Variants in CSMD1 observed in about 807,000 individuals in gnomAD.
CSMD1 encodes CUB and sushi domain-containing protein 1.
CSMD1 carries 213 observed loss-of-function variants against 417.5 expected under a neutral mutation model. The observed-to-expected ratio is 0.51, with a 90% CI of 0.46 to 0.57. The LOEUF is 0.57. CSMD1 is among the 20% of genes least tolerant of loss of function. The pLI is 0.00. For missense variants in CSMD1, 6,923 were observed against 4,529.7 expected (o/e 1.53, Z -15.17); for synonymous variants, 2,862 against 1,736.8 (o/e 1.65, Z -16.11).
intron 5 of CSMD1, among the ~76,000 whole-genome samples, chr8:3,942,043 C>A (rs897025578): frequency 2.6e-5 from 4 of 151,896 alleles, no homozygotes; most frequent in Admixed American, 6.6e-5. Context: ...GGCGCGCAAA[C>A]CCTATTGTGA....
At chr8:4,027,994 C>A (rs574259699) in intron 4 of CSMD1, among the ~76,000 whole-genome samples, 3 of 151,986 alleles carry the variant, frequency 2.0e-5, no homozygotes, top group South Asian at 2.1e-4. Flanking sequence ...TAAGTGAGAT[C>A]AATTAATTGA....
At chr8:4,819,531 T>C (rs1304732352) in intron 1 of CSMD1, among the ~76,000 whole-genome samples, 1 of 152,188 alleles carries the variant, frequency 6.6e-6, no homozygotes, top group Non-Finnish European at 1.5e-5. Context: ...TATTTTCCCT[T>C]GTGTTAGAAT....
chr8:3,623,928 G>C (rs978717544), intron 7 of CSMD1, among the ~76,000 whole-genome samples: 1 of 151,934 alleles, frequency 6.6e-6, no homozygotes, highest in African/African-American at 2.4e-5. Flanking sequence ...AGTAAGCTGA[G>C]ATTGCACCAC....
chr8:3,576,709 T>C (rs772870026), intron 9 of CSMD1, among the ~76,000 whole-genome samples: 27 of 152,182 alleles, frequency 1.8e-4, no homozygotes, highest in Non-Finnish European at 3.4e-4. Context: ...GATGAAAACA[T>C]GGACCCCTCT....
chr8:4,337,362 C>G (rs917276817), intron 3 of CSMD1, among the ~76,000 whole-genome samples: 2 of 152,078 alleles, frequency 1.3e-5, no homozygotes, highest in Non-Finnish European at 2.9e-5. Flanking sequence ...AAACTTCCAC[C>G]TAAGTCATTT....
intron 25 of CSMD1, among the ~76,000 whole-genome samples, chr8:3,293,539 T>C (rs1803737025): frequency 6.6e-6 from 1 of 152,192 alleles, no homozygotes; most frequent in Non-Finnish European, 1.5e-5. Context: ...TTATTCTTTT[T>C]TTCTCTAAAC....
intron 2 of CSMD1, among the ~76,000 whole-genome samples, chr8:4,455,115 G>A (rs930782283): frequency 6.6e-5 from 10 of 152,108 alleles, no homozygotes; most frequent in African/African-American, 2.4e-4. Context: ...ACGTAATAAA[G>A]GATGACGGAT....
At chr8:4,845,983 G>T (rs1334875519) in intron 1 of CSMD1, among the ~76,000 whole-genome samples, 1 of 152,154 alleles carries the variant, frequency 6.6e-6, no homozygotes, top group Non-Finnish European at 1.5e-5. Flanking sequence ...TAAATTTGCT[G>T]AGTCAGAACA....
chr8:4,609,542 A>G (rs116561470), intron 2 of CSMD1, among the ~76,000 whole-genome samples: 1 of 152,212 alleles, frequency 6.6e-6, no homozygotes, highest in Non-Finnish European at 1.5e-5. Context: ...TCTTTATTGT[A>G]CTAAACACTT....
At chr8:3,236,448 G>C (rs1370654949) in intron 26 of CSMD1, among the ~76,000 whole-genome samples, 1 of 152,172 alleles carries the variant, frequency 6.6e-6, no homozygotes, top group South Asian at 2.1e-4. Context: ...GAAGGAGAAA[G>C]AGAACAATTT....
intron 5 of CSMD1, among the ~76,000 whole-genome samples, chr8:3,895,890 T>C (rs1450628454): frequency 1.3e-5 from 2 of 152,134 alleles, no homozygotes; most frequent in African/African-American, 2.4e-5. Context: ...CCTCATCCCC[T>C]GAAACTCTGT....
intron 12 of CSMD1, among the ~76,000 whole-genome samples, chr8:3,454,959 T>G (rs1037668801): frequency 4.6e-5 from 7 of 152,366 alleles, no homozygotes; most frequent in Middle Eastern, 3.4e-3. Flanking sequence ...CAATCAGATG[T>G]AGATTTGGTC....
intron 1 of CSMD1, among the ~76,000 whole-genome samples, chr8:4,756,361 T>G (rs902404358): frequency 1.3e-5 from 2 of 152,138 alleles, no homozygotes; most frequent in Non-Finnish European, 2.9e-5. Context: ...CTGGCCATAT[T>G]TTTAAAAGTA....
chr8:4,000,132 G>A (rs1815552894), intron 4 of CSMD1, among the ~76,000 whole-genome samples: 3 of 152,090 alleles, frequency 2.0e-5, no homozygotes. Context: ...CACTGTGCAA[G>A]CACACACACT....
chr8:3,091,871 T>G (rs1814972910), intron 47 of CSMD1, among the ~76,000 whole-genome samples: 1 of 152,180 alleles, frequency 6.6e-6, no homozygotes, highest in South Asian at 2.1e-4. Context: ...GAATTTCAGG[T>G]GCATATGCTA....
At chr8:3,906,988 G>A (rs1056004788) in intron 5 of CSMD1, among the ~76,000 whole-genome samples, 1 of 152,144 alleles carries the variant, frequency 6.6e-6, no homozygotes, top group South Asian at 2.1e-4. Flanking sequence ...CTTCAAACAT[G>A]TTGTAAGAAG....
At chr8:4,625,522 C>T (rs925671976) in intron 2 of CSMD1, among the ~76,000 whole-genome samples, 2 of 151,910 alleles carry the variant, frequency 1.3e-5, no homozygotes, top group African/African-American at 4.8e-5. Flanking sequence ...CCACTTCCTC[C>T]CTACCTGAAC....
chr8:4,639,483 G>C (rs943790527), intron 1 of CSMD1, among the ~76,000 whole-genome samples: 3 of 152,078 alleles, frequency 2.0e-5, no homozygotes, highest in African/African-American at 2.4e-5. Flanking sequence ...GTTTGTCTGA[G>C]GTTAGCTGTT....
At chr8:2,994,261 G>C (rs764347819) in intron 54 of CSMD1, among the ~76,000 whole-genome samples, 2 of 151,758 alleles carry the variant, frequency 1.3e-5, no homozygotes, top group Non-Finnish European at 1.5e-5. Context: ...AGTTGACCTC[G>C]TGTGTACTGA....
Sources: allele counts gnomAD v4.1 joint callset (sites outside exome capture counted in the v4.1 genomes callset), GRCh38; gene constraint gnomAD v4.1.1; transcripts MANE v1.5; gene names NCBI Gene and HGNC (gene_info 2026-07-23, HGNC 2026-07-21).